The following SKAP2 variants were observed in gnomAD, a reference collection of about 807,000 sequenced individuals.
The protein encoded by SKAP2 is src kinase-associated phosphoprotein 2.
In SKAP2, 28 loss-of-function variants were observed where a neutral mutation model predicts 54.9. That is an observed-to-expected ratio of 0.51 (90% CI 0.38 to 0.70). The LOEUF is 0.70. Among genes scored for constraint, SKAP2 ranks in the 30% least tolerant of loss-of-function variants. SKAP2 has a pLI of 0.00. For missense variants in SKAP2, 356 were observed against 424.1 expected (o/e 0.84, Z 1.41); for synonymous variants, 137 against 134.3 (o/e 1.02, Z -0.14).
At chr7:26,813,424 A>G (rs564281407) in intron 4 of SKAP2, among the ~76,000 whole-genome samples, 108 of 152,364 alleles carry the variant, frequency 7.1e-4, no homozygotes, top group African/African-American at 2.6e-3. Context: ...AAAAATGGTT[A>G]TAAGCTTGCC....
chr7:26,687,706 CA>C (rs1453026520), intron 10 of SKAP2, among the ~76,000 whole-genome samples: 1 of 151,994 alleles, frequency 6.6e-6, no homozygotes, highest in Admixed American at 6.6e-5. Flanking sequence ...TAAACATACA[CA>C]AAAAATTAAG....
intron 4 of SKAP2, among the ~76,000 whole-genome samples, chr7:26,810,582 C>T (rs1268210630): frequency 1.3e-5 from 2 of 152,186 alleles, no homozygotes; most frequent in Non-Finnish European, 2.9e-5. Flanking sequence ...AATATAAGTA[C>T]ATGAGGTAAC....
chr7:26,817,908 C>T lies in SKAP2; in HGVS notation c.307+26122G>A, dbSNP rs181899619. Among the ~76,000 whole-genome samples the T allele has an allele frequency of 3.3e-3, 502 of 152,186 alleles. 3 individuals are homozygous for T. Among genetic ancestry groups the T allele is most frequent in the Non-Finnish European group, 3.0e-3 (206 of 68,004 alleles). On this transcript the variant is annotated intron_variant, in intron 4 of 12. Coordinates refer to ENST00000345317, the MANE Select transcript of SKAP2 (RefSeq NM_003930.5). The stretch of plus-strand genomic sequence containing the variant: ...ATATGAAGGACTTCTTCAAGGAGAA[C>T]TACAAACCACTGCTCAAGGAAATAA...
At chr7:26,724,639 C>A (rs1456658442) in intron 9 of SKAP2, among the ~76,000 whole-genome samples, 1 of 152,070 alleles carries the variant, frequency 6.6e-6, no homozygotes, top group African/African-American at 2.4e-5. Context: ...GCTTATGATA[C>A]CTTTTTCTTC....
chr7:26,777,415 T>C (rs1181952663), intron 4 of SKAP2, among the ~76,000 whole-genome samples: 1 of 152,132 alleles, frequency 6.6e-6, no homozygotes, highest in Non-Finnish European at 1.5e-5. Flanking sequence ...AATTTGCTAT[T>C]AAAAAAGTAC....
At chr7:26,756,680 T>C (rs1782801549) in intron 4 of SKAP2, among the ~76,000 whole-genome samples, 1 of 152,246 alleles carries the variant, frequency 6.6e-6, no homozygotes, top group Non-Finnish European at 1.5e-5. Flanking sequence ...TTTATAATCC[T>C]TTGGGTATAT....
chr7:26,709,969 T>A (rs576185443), intron 9 of SKAP2, among the ~76,000 whole-genome samples: 1 of 152,208 alleles, frequency 6.6e-6, no homozygotes, highest in Non-Finnish European at 1.5e-5. Flanking sequence ...TAGATTTTAA[T>A]GAAGTTATGG....
intron 1 of SKAP2, 147 bp downstream of exon 1, chr7:26,864,216 C>T: frequency 2.2e-6 from 2 of 908,918 alleles, no homozygotes; most frequent in Non-Finnish European, 3.4e-6. Context: ...AACCCCTCTC[C>T]TCTCCTCCCT....
At chr7:26,835,691 G>C (rs1038493473) in intron 4 of SKAP2, among the ~76,000 whole-genome samples, 1 of 148,342 alleles carries the variant, frequency 6.7e-6, no homozygotes, top group African/African-American at 2.5e-5. Context: ...AAATAAGAGA[G>C]AACACATACA....
At chr7:26,759,990 T>C (rs1782888513) in intron 4 of SKAP2, among the ~76,000 whole-genome samples, 2 of 152,214 alleles carry the variant, frequency 1.3e-5, no homozygotes, top group South Asian at 2.1e-4. Context: ...ATTTCCACAC[T>C]GAAAAGTGAT....
intron 4 of SKAP2, among the ~76,000 whole-genome samples, chr7:26,817,545 T>G (rs1314815329): frequency 6.6e-6 from 1 of 152,182 alleles, no homozygotes; most frequent in Non-Finnish European, 1.5e-5. Flanking sequence ...AGAATTCCAG[T>G]TGATACAATT....
intron 9 of SKAP2, among the ~76,000 whole-genome samples, chr7:26,722,254 T>C (rs933071461): frequency 1.3e-4 from 20 of 151,950 alleles, no homozygotes; most frequent in African/African-American, 3.6e-4. Context: ...TAGTTAAAAA[T>C]AAATGAACAA....
chr7:26,801,082 T>C (rs1052889236), intron 4 of SKAP2, among the ~76,000 whole-genome samples: 1 of 152,130 alleles, frequency 6.6e-6, no homozygotes, highest in Non-Finnish European at 1.5e-5. Context: ...ATATATTTGA[T>C]GAATAATTGA....
chr7:26,812,093 G>A (rs1219721401), intron 4 of SKAP2, among the ~76,000 whole-genome samples: 1 of 152,122 alleles, frequency 6.6e-6, no homozygotes, highest in Non-Finnish European at 1.5e-5. Flanking sequence ...TTTCAAAGAT[G>A]TTAACCGAAA....
At chr7:26,795,851 A>G (rs766721207) in intron 4 of SKAP2, among the ~76,000 whole-genome samples, 2 of 152,236 alleles carry the variant, frequency 1.3e-5, no homozygotes, top group African/African-American at 4.8e-5. Context: ...TGGCTCCTTG[A>G]TAAGTGCAAA....
chr7:26,731,611 T>C (rs1787825895), intron 6 of SKAP2, among the ~76,000 whole-genome samples: 1 of 152,222 alleles, frequency 6.6e-6, no homozygotes, highest in Non-Finnish European at 1.5e-5. Context: ...CTAAATATGT[T>C]TCATTTCTCA....
intron 1 of SKAP2, chr7:26,857,337 T>TAAAAAAAAAAAAAAAAAAAAAAAA (rs1785191413): frequency 1.5e-5 from 2 of 130,772 alleles, no homozygotes; most frequent in Non-Finnish European, 2.3e-5. Context: ...AAAAAAAAAC[T>TAAAAAAAAAAAAAAAAAAAAAAAA]TTAAACTGGA....
intron 4 of SKAP2, among the ~76,000 whole-genome samples, chr7:26,809,747 C>A (rs1374953779): frequency 2.0e-5 from 3 of 152,200 alleles, no homozygotes; most frequent in Non-Finnish European, 4.4e-5. Context: ...AGTAATCCCA[C>A]TTCTGGGAAT....
chr7:26,660,805 T>C, the SKAP2 span, among the ~76,000 whole-genome samples: 5 of 152,046 alleles, frequency 3.3e-5, no homozygotes, highest in Non-Finnish European at 5.9e-5. Flanking sequence ...TTTAAGCTGA[T>C]AGAATTGATT....
Sources: allele counts gnomAD v4.1 joint callset (sites outside exome capture counted in the v4.1 genomes callset), GRCh38; gene constraint gnomAD v4.1.1; transcripts MANE v1.5; gene names NCBI Gene and HGNC (gene_info 2026-07-23, HGNC 2026-07-21).